Variants in SLC10A7 observed in about 807,000 individuals in gnomAD.
The protein encoded by SLC10A7 is sodium/bile acid cotransporter 7.
A neutral mutation model predicts 43.2 loss-of-function variants in SLC10A7; 29 were observed. That is an observed-to-expected ratio of 0.67 (90% CI 0.50 to 0.92). SLC10A7 has a LOEUF of 0.92. Among genes scored for constraint, SLC10A7 ranks in the 40% least tolerant of loss-of-function variants. The pLI, the probability that SLC10A7 is intolerant of heterozygous loss-of-function variation, is 0.00. For synonymous variants in SLC10A7, 152 were observed against 144.8 expected (o/e 1.05, Z -0.35); for missense variants, 295 against 403.2 (o/e 0.73, Z 2.30).
At chr4:146,463,709 C>G (rs552677458) in intron 4 of SLC10A7, among the ~76,000 whole-genome samples, 52 of 151,996 alleles carry the variant, frequency 3.4e-4, no homozygotes, top group African/African-American at 1.2e-3. Context: ...TAACTGTACT[C>G]CACCCTGGGT....
At chr4:146,450,682 A>G (rs747695105) in intron 4 of SLC10A7, among the ~76,000 whole-genome samples, 4 of 152,194 alleles carry the variant, frequency 2.6e-5, no homozygotes, top group African/African-American at 4.8e-5. Context: ...AATTTAAGAA[A>G]GTAGTATAAG....
chr4:146,384,026 T>C (rs181018945), intron 5 of SLC10A7, among the ~76,000 whole-genome samples: 1 of 152,236 alleles, frequency 6.6e-6, no homozygotes, highest in Admixed American at 6.5e-5. Context: ...GTTTCCTCAG[T>C]TACACATCAA....
chr4:146,329,247 T>C (rs77774973), intron 5 of SLC10A7, among the ~76,000 whole-genome samples: 9,660 of 152,296 alleles, frequency 0.063, 396 homozygotes, highest in South Asian at 0.18. Context: ...TAAGAGTGAA[T>C]CACTGTATAA....
chr4:146,377,927 C>T (rs1490810173), intron 5 of SLC10A7, among the ~76,000 whole-genome samples: 1 of 152,138 alleles, frequency 6.6e-6, no homozygotes, highest in Non-Finnish European at 1.5e-5. Flanking sequence ...AAAGATACTA[C>T]TAACAGGAAA....
intron 5 of SLC10A7, among the ~76,000 whole-genome samples, chr4:146,337,754 CA>C (rs1056907947): frequency 3.3e-5 from 5 of 150,786 alleles, no homozygotes. Flanking sequence ...TAGAACTCAA[CA>C]AAAGGAATAA....
intron 5 of SLC10A7, among the ~76,000 whole-genome samples, chr4:146,415,369 A>C (rs761058670): frequency 6.6e-6 from 1 of 152,216 alleles, no homozygotes; most frequent in African/African-American, 2.4e-5. Flanking sequence ...TCATCTATTA[A>C]ATGGCAAAAA....
At chr4:146,266,496 C>T (rs904464717) in intron 10 of SLC10A7, among the ~76,000 whole-genome samples, 1 of 151,958 alleles carries the variant, frequency 6.6e-6, no homozygotes, top group African/African-American at 2.4e-5. Context: ...AAAATAGTCA[C>T]AGAAAGTCAA....
chr4:146,427,497 T>C (rs1224569059), intron 5 of SLC10A7, among the ~76,000 whole-genome samples: 1 of 152,136 alleles, frequency 6.6e-6, no homozygotes, highest in Non-Finnish European at 1.5e-5. Flanking sequence ...ACACAAGATA[T>C]AGACCCAAAA....
chr4:146,439,112 T>C (rs1455432044), intron 5 of SLC10A7, among the ~76,000 whole-genome samples: 2 of 152,020 alleles, frequency 1.3e-5, no homozygotes, highest in Non-Finnish European at 2.9e-5. Flanking sequence ...CTTAAAGCAA[T>C]CCTCCATGGC....
At chr4:146,272,905 T>C (rs1332534510) in intron 10 of SLC10A7, among the ~76,000 whole-genome samples, 3 of 152,148 alleles carry the variant, frequency 2.0e-5, no homozygotes, top group African/African-American at 7.2e-5. Flanking sequence ...TCTGGTCTTC[T>C]GGATGTGGCA....
chr4:146,500,040 A>T (rs1736252950), intron 4 of SLC10A7, among the ~76,000 whole-genome samples: 1 of 152,198 alleles, frequency 6.6e-6, no homozygotes, highest in Non-Finnish European at 1.5e-5. Flanking sequence ...TCACAATAGA[A>T]AGAAAACCAC....
At chr4:146,340,216 G>A (rs1734165466) in intron 5 of SLC10A7, among the ~76,000 whole-genome samples, 1 of 151,800 alleles carries the variant, frequency 6.6e-6, no homozygotes, top group South Asian at 2.1e-4. Flanking sequence ...CTAAGGCAGT[G>A]CTCTCCAAAG....
chr4:146,365,676 C>T (rs1410702488), intron 5 of SLC10A7, among the ~76,000 whole-genome samples: 1 of 152,132 alleles, frequency 6.6e-6, no homozygotes, highest in African/African-American at 2.4e-5. Flanking sequence ...TTTACTGTTC[C>T]TCAATATTTA....
chr4:146,327,015 A>T (rs542131878), intron 5 of SLC10A7, among the ~76,000 whole-genome samples: 25 of 152,150 alleles, frequency 1.6e-4, no homozygotes, highest in Non-Finnish European at 3.4e-4. Context: ...CAGAGGTACT[A>T]TATATCCAGA....
intron 5 of SLC10A7, among the ~76,000 whole-genome samples, chr4:146,331,393 T>A (rs1301205261): frequency 1.3e-5 from 2 of 152,244 alleles, no homozygotes; most frequent in East Asian, 1.9e-4. Flanking sequence ...AGAGTTTTGT[T>A]CAGTAGTGAT....
intron 4 of SLC10A7, among the ~76,000 whole-genome samples, chr4:146,451,660 AT>A (rs1731614854): frequency 6.6e-6 from 1 of 152,146 alleles, no homozygotes; most frequent in South Asian, 2.1e-4. Flanking sequence ...CAGAAAATGC[AT>A]TTCATAAAAT....
At chr4:146,270,505 T>C (rs965039956) in intron 10 of SLC10A7, among the ~76,000 whole-genome samples, 1 of 152,180 alleles carries the variant, frequency 6.6e-6, no homozygotes, top group Non-Finnish European at 1.5e-5. Context: ...CCGCCACACA[T>C]TGGAATCACC....
chr4:146,493,423 T>C (rs1735624030), intron 4 of SLC10A7, among the ~76,000 whole-genome samples: 1 of 152,024 alleles, frequency 6.6e-6, no homozygotes, highest in South Asian at 2.1e-4. Flanking sequence ...TGTAGAACTG[T>C]TTAAGTGAGC....
intron 5 of SLC10A7, among the ~76,000 whole-genome samples, chr4:146,365,881 C>A (rs116227572): frequency 6.6e-6 from 1 of 152,178 alleles, no homozygotes; most frequent in Non-Finnish European, 1.5e-5. Context: ...GGAACCCGGC[C>A]GCACTGCAGG....
Sources: allele counts gnomAD v4.1 joint callset (sites outside exome capture counted in the v4.1 genomes callset), GRCh38; gene constraint gnomAD v4.1.1; transcripts MANE v1.5; gene names NCBI Gene and HGNC (gene_info 2026-07-23, HGNC 2026-07-21).